The following ZFPM2 variants were observed in gnomAD, a reference collection of about 807,000 sequenced individuals.
ZFPM2 encodes the protein zinc finger protein ZFPM2.
ZFPM2 carries 20 observed loss-of-function variants against 98.6 expected under a neutral mutation model. That is an observed-to-expected ratio of 0.20 (90% confidence interval 0.14 to 0.29). The LOEUF (loss-of-function observed/expected upper bound fraction) is 0.29, where lower values mean the gene tolerates loss of function less well. ZFPM2 is among the 10% of genes least tolerant of loss of function. ZFPM2 has a pLI of 1.00. For synonymous variants in ZFPM2, 518 were observed against 502.7 expected, an observed-to-expected ratio of 1.03 and a Z score of -0.41; for missense variants, 1,310 against 1,388.6, an observed-to-expected ratio of 0.94 and a Z score of 0.90.
At chr8:105,484,842 C>G (rs1163183590) in intron 3 of ZFPM2, among the ~76,000 whole-genome samples, 1 of 152,146 alleles carries the variant, frequency 6.6e-6, no homozygotes, top group Non-Finnish European at 1.5e-5. Context: ...AGACATCTTT[C>G]TGGAGCAGCT....
chr8:105,472,917 A>G (rs1286842653), intron 3 of ZFPM2, among the ~76,000 whole-genome samples: 2 of 142,082 alleles, frequency 1.4e-5, no homozygotes, highest in African/African-American at 2.6e-5. Flanking sequence ...TTTTAAAGAA[A>G]CGAGGTCTTA....
At chr8:105,339,065 A>G (rs1186096195) in intron 1 of ZFPM2, among the ~76,000 whole-genome samples, 2 of 151,824 alleles carry the variant, frequency 1.3e-5, no homozygotes, top group Admixed American at 1.3e-4. Flanking sequence ...TACTGTCAGA[A>G]TTAATATGTG....
intron 5 of ZFPM2, among the ~76,000 whole-genome samples, chr8:105,685,506 A>G (rs910759652): frequency 6.6e-6 from 1 of 152,102 alleles, no homozygotes; most frequent in African/African-American, 2.4e-5. Flanking sequence ...CTCAAAAGAT[A>G]TGGAAGCATT....
At chr8:105,521,153 AAAC>A (rs1814049925) in intron 3 of ZFPM2, among the ~76,000 whole-genome samples, 1 of 150,534 alleles carries the variant, frequency 6.6e-6, no homozygotes, top group Admixed American at 6.6e-5. Flanking sequence ...ACACACACAC[AAAC>A]ACACACACGC....
intron 5 of ZFPM2, among the ~76,000 whole-genome samples, chr8:105,693,980 CTTTTTTTTTTTTTTTT>C (rs376834507): frequency 8.4e-6 from 1 of 118,412 alleles, no homozygotes; most frequent in Non-Finnish European, 1.7e-5. Context: ...TTTTTCTTTT[CTTTTTTTTTTTTTTTT>C]TTTTTTGAGA....
At chr8:105,595,239 G>A (rs910988194) in intron 4 of ZFPM2, among the ~76,000 whole-genome samples, 2 of 152,180 alleles carry the variant, frequency 1.3e-5, no homozygotes, top group African/African-American at 4.8e-5. Flanking sequence ...CTAGGTCCAG[G>A]GAGGGTGTGC....
At chr8:105,351,367 GTGTGTGTGTGTGTGTT>G (rs1158294381) in intron 1 of ZFPM2, among the ~76,000 whole-genome samples, 1 of 150,982 alleles carries the variant, frequency 6.6e-6, no homozygotes, top group African/African-American at 2.4e-5. Flanking sequence ...GTGTGTGTGT[GTGTGTGTGTGTGTGTT>G]TGTGTGTGTG....
At chr8:105,513,955 T>G (rs1813865498) in intron 3 of ZFPM2, among the ~76,000 whole-genome samples, 1 of 152,032 alleles carries the variant, frequency 6.6e-6, no homozygotes, top group South Asian at 2.1e-4. Context: ...AAAACGTGGA[T>G]TTTTGGATTA....
chr8:105,504,867 C>A (rs1468289157), intron 3 of ZFPM2, among the ~76,000 whole-genome samples: 1 of 152,024 alleles, frequency 6.6e-6, no homozygotes, highest in Non-Finnish European at 1.5e-5. Flanking sequence ...AATTGTATTT[C>A]CCATAAATTA....
chr8:105,394,672 A>G (rs561419929), intron 1 of ZFPM2, among the ~76,000 whole-genome samples: 9 of 152,190 alleles, frequency 5.9e-5, no homozygotes, highest in Non-Finnish European at 8.8e-5. Context: ...AGCGGCTTCG[A>G]GTGTGGGCTC....
rs182296824 is a variant in ZFPM2 at position 105,508,817 on chromosome 8, C to T, written c.302-52546C>T. Among the ~76,000 whole-genome samples the T allele has an allele frequency of 1.1e-4, 16 of 148,666 alleles. No individual in the cohort carries two copies. The East Asian group carries it at 3.0e-3, about 28-fold the overall frequency. On this transcript the variant is annotated intron_variant, in intron 3 of 7. Coordinates refer to ENST00000407775, the MANE Select transcript of ZFPM2 (RefSeq NM_012082.4). Reference sequence around the variant, plus strand: ...CGTTCAGATTTTTTTTTTTCCCCCTCGCATTGTTGTGTTGGGGTTTTGGAT... The same window carrying T: ...CGTTCAGATTTTTTTTTTTCCCCCTTGCATTGTTGTGTTGGGGTTTTGGAT...
intron 5 of ZFPM2, among the ~76,000 whole-genome samples, chr8:105,694,761 G>A (rs1586203037): frequency 1.3e-5 from 2 of 152,138 alleles, no homozygotes; most frequent in Non-Finnish European, 2.9e-5. Flanking sequence ...GAGGAAGTTG[G>A]ACTTCCCTCC....
chr8:105,603,842 G>A (rs1816143151), intron 4 of ZFPM2, among the ~76,000 whole-genome samples: 1 of 151,976 alleles, frequency 6.6e-6, no homozygotes, highest in Non-Finnish European at 1.5e-5. Flanking sequence ...CTGAAGCACT[G>A]TCAGCACTTG....
chr8:105,750,812 TA>T (rs1384758018), intron 5 of ZFPM2, among the ~76,000 whole-genome samples: 1 of 152,024 alleles, frequency 6.6e-6, no homozygotes, highest in African/African-American at 2.4e-5. Context: ...GATGACATTT[TA>T]AATGTAAATG....
chr8:105,794,518 A>AG (rs1342001550), intron 6 of ZFPM2, among the ~76,000 whole-genome samples: 13 of 152,130 alleles, frequency 8.5e-5, no homozygotes, highest in African/African-American at 3.1e-4. Context: ...TAGGCTGCTC[A>AG]GGGGTCAGGG....
chr8:105,607,468 C>T (rs1297930199), intron 4 of ZFPM2, among the ~76,000 whole-genome samples: 2 of 152,120 alleles, frequency 1.3e-5, no homozygotes, highest in Non-Finnish European at 2.9e-5. Flanking sequence ...TATCTTTCAT[C>T]TCCCAATTAA....
chr8:105,669,565 TAA>T (rs1817551230), intron 5 of ZFPM2, among the ~76,000 whole-genome samples: 1 of 151,266 alleles, frequency 6.6e-6, no homozygotes, highest in African/African-American at 2.4e-5. Flanking sequence ...TGTGTGTGTG[TAA>T]ATAAAGATTA....
intron 1 of ZFPM2, among the ~76,000 whole-genome samples, chr8:105,337,983 A>C (rs1047742913): frequency 6.7e-6 from 1 of 149,680 alleles, no homozygotes; most frequent in Non-Finnish European, 1.5e-5. Flanking sequence ...TCCATTAGAA[A>C]CTCTCTACAT....
intron 4 of ZFPM2, among the ~76,000 whole-genome samples, chr8:105,564,976 T>C (rs1395533434): frequency 6.6e-6 from 1 of 152,168 alleles, no homozygotes; most frequent in African/African-American, 2.4e-5. Context: ...ACCCCTTCCC[T>C]ACCCAACCTT....
Sources: allele counts gnomAD v4.1 joint callset (sites outside exome capture counted in the v4.1 genomes callset), GRCh38; gene constraint gnomAD v4.1.1; transcripts MANE v1.5; gene names NCBI Gene and HGNC (gene_info 2026-07-23, HGNC 2026-07-21).